The following CAPG variants were observed in gnomAD, a reference collection of about 807,000 sequenced individuals.
The protein encoded by CAPG is capping actin protein, gelsolin like.
Under a neutral mutation model 44.6 loss-of-function variants are expected in CAPG, and 32 were observed. The ratio of observed to expected loss-of-function variants is 0.72; its 90% CI spans 0.54 to 0.96. CAPG has a LOEUF of 0.96. Among genes scored for constraint, CAPG ranks in the 50% least tolerant of loss-of-function variants. CAPG has a pLI of 0.00. For synonymous variants in CAPG, 175 were observed against 179.6 expected, an observed-to-expected ratio of 0.97 and a Z score of 0.20; for missense variants, 412 against 438.3, an observed-to-expected ratio of 0.94 and a Z score of 0.54.
chr2:85,412,024 T>C (rs536986720), upstream of CAPG, among the ~76,000 whole-genome samples: 5 of 150,902 alleles, frequency 3.3e-5, no homozygotes, highest in Non-Finnish European at 5.9e-5. Context: ...ATGGCGCCAC[T>C]GCACTCCAGC....
At chr2:85,399,307 C>A in intron 5 of CAPG, 22 bp from the exon 6 acceptor site, 1 of 1,612,206 alleles carries the variant, frequency 6.2e-7, no homozygotes, top group Non-Finnish European at 8.5e-7. Context: ...CAGGAAAGTC[C>A]GGGTCAGAGC....
intron 6 of CAPG, 110 bp downstream of exon 6, chr2:85,399,026 G>A: frequency 8.0e-7 from 1 of 1,253,696 alleles, no homozygotes; most frequent in Non-Finnish European, 1.1e-6. Flanking sequence ...CAGTACACCA[G>A]ATGGCCCCTG....
In CAPG at chr2:85,399,226, G is replaced by A. The variant is rs1157269348; in HGVS notation, c.576C>T (p.Asp192=). ...SNILERNKAR[D]LALAIRDSER... ...CACTGTCCCGGATGGCCAGGGCCAG[G>A]TCCCTCGCCTTGTTGCGTTCCAGGA... is the stretch of plus-strand genomic sequence containing the variant. Residue 192 remains aspartate, a synonymous_variant, in exon 6 of 10, where the codon GAC becomes GAT. Transcript: ENST00000263867. 3 of 1,614,252 alleles carry A rather than the reference G, an allele frequency of 1.9e-6. No individual in the cohort carries two copies. Among genetic ancestry groups the A allele is most frequent in the Non-Finnish European group, 2.5e-6 (3 of 1,180,036 alleles).
Position 85,399,206 on chromosome 2 carries a change from T to A in CAPG, c.596A>T (p.Asp199Val). 1 of 1,614,200 alleles carries A rather than the reference T, an allele frequency of 6.2e-7. No homozygotes were observed. Among genetic ancestry groups the A allele is most frequent in the Non-Finnish European group, 8.5e-7 (1 of 1,180,016 alleles). Residue 199 changes from aspartate to valine, a missense_variant, in exon 6 of 10, where the codon GAC (aspartate) becomes GTC (valine). Physicochemically the swap from Asp to Val is radical, Grantham distance 152. Coordinates refer to ENST00000263867, the MANE Select transcript of CAPG (RefSeq NM_001747.4). ...KARDLALAIR[D>V]SERQGKAQVE... ...CTGGGCCTTGCCCTGTCGCTCACTG[T>A]CCCGGATGGCCAGGGCCAGGTCCCT... is the stretch of plus-strand genomic sequence containing the variant.
intron 8 of CAPG, chr2:85,396,059 T>C (rs1359150560): frequency 6.0e-6 from 1 of 167,412 alleles, no homozygotes; most frequent in Admixed American, 5.7e-5. Context: ...TTTACTCCCA[T>C]AATGCCAGCA....
In CAPG at chr2:85,398,678, TGG is replaced by T. The variant is rs1558730693; in HGVS notation, c.759+10_759+11del. On this transcript the variant is annotated intron_variant, in intron 7 of 9. Transcript: ENST00000263867. Reference sequence around the variant, plus strand: ...CTGCTGCCGGGTCCCAGGGCAGGCTTGGGGGGCCCACCTTATACAGAGCTGCG... The same window carrying T: ...CTGCTGCCGGGTCCCAGGGCAGGCTTGGGGCCCACCTTATACAGAGCTGCG... 1 of 1,590,752 alleles carries T rather than the reference TGG, an allele frequency of 6.3e-7. No homozygotes were observed. Among genetic ancestry groups the T allele is most frequent in the African/African-American group, 1.3e-5 (1 of 74,766 alleles).
In CAPG at chr2:85,398,112, GCCA is replaced by G; in HGVS notation, c.797_799del (p.Val266del). On this transcript the variant is annotated inframe_deletion, in exon 8 of 10. Transcript: ENST00000263867. Reference sequence around the variant, plus strand: ...TTCAAGGGCAAATGGGCTGGAGTCAGCCACCTTGGTCAGGTTCATCTGTCCAGT... The same window carrying G: ...TTCAAGGGCAAATGGGCTGGAGTCAGCCTTGGTCAGGTTCATCTGTCCAGT... 2 of 1,614,108 alleles carry G rather than the reference GCCA, an allele frequency of 1.2e-6. No homozygotes were observed. Among genetic ancestry groups the G allele is most frequent in the Non-Finnish European group, 1.7e-6 (2 of 1,180,018 alleles).
upstream of CAPG, among the ~76,000 whole-genome samples, chr2:85,410,729 G>A (rs932958490): frequency 6.6e-5 from 10 of 152,212 alleles, no homozygotes; most frequent in African/African-American, 9.6e-5. Context: ...AGCCCCCACC[G>A]CTGCTGGGTT....
intron 1 of CAPG, among the ~76,000 whole-genome samples, chr2:85,403,138 C>A (rs907884634): frequency 6.6e-6 from 1 of 151,956 alleles, no homozygotes; most frequent in Non-Finnish European, 1.5e-5. Flanking sequence ...AGAGAAAACA[C>A]AAATATCAAT....
In CAPG at chr2:85,395,395, T is replaced by G; in HGVS notation, c.981+143A>C. 2 of 656,286 alleles carry G rather than the reference T, an allele frequency of 3.0e-6. No individual in the cohort carries two copies. Among genetic ancestry groups the G allele is most frequent in the Admixed American group, 2.4e-5 (1 of 40,844 alleles). 40.7% of individuals were successfully genotyped at this position (656,286 alleles called of 1,614,324 possible). A position where few individuals can be genotyped will look rare whatever the true frequency, so the allele number is the denominator to read the frequency against. ...ACATTTTGAAGGATTGAGATGGGCT[T>G]TCCCACTGGATGGGTCTAAGAGGGA... On this transcript the variant is annotated intron_variant, in intron 9 of 9. Transcript: ENST00000263867. The surrounding 1 kb of genome is among the most constrained non-coding windows in gnomAD (Gnocchi z 4.3).
upstream of CAPG, among the ~76,000 whole-genome samples, chr2:85,415,051 TA>T (rs1687520617): frequency 6.6e-6 from 1 of 152,110 alleles, no homozygotes; most frequent in East Asian, 1.9e-4. Flanking sequence ...GGGCCTGGGG[TA>T]AGGAAACAAT....
chr2:85,403,636 C>T (rs565859519), intron 1 of CAPG, among the ~76,000 whole-genome samples: 16 of 152,142 alleles, frequency 1.1e-4, no homozygotes, highest in African/African-American at 3.4e-4. Flanking sequence ...CGCCTGTAAT[C>T]CCAGCACTTT....
rs1260393601 is a variant in CAPG, at chr2:85,401,573, A to T, written c.307T>A (p.Ser103Thr). The stretch of plus-strand genomic sequence containing the variant: ...GGGAAGTAGCTCATGAAGAGGTCAG[A>T]CTCATTGCCCTGCACCTCGCGGTGC... ...VQHREVQGNE[S>T]DLFMSYFPRG... The change falls in exon 4 of 10, where the codon TCT becomes ACT. Residue 103 changes from serine to threonine, a missense_variant. Ser to Thr is a moderately conservative substitution (Grantham distance 58, BLOSUM62 1). Coordinates refer to ENST00000263867, the MANE Select transcript of CAPG (RefSeq NM_001747.4). 6.2e-7 allele frequency: 1 copy of T among 1,613,854 alleles called. No homozygotes were observed. Among genetic ancestry groups the T allele is most frequent in the African/African-American group, 1.3e-5 (1 of 74,860 alleles).
intron 1 of CAPG, among the ~76,000 whole-genome samples, chr2:85,406,984 G>A (rs925130913): frequency 2.0e-5 from 3 of 150,152 alleles, no homozygotes; most frequent in African/African-American, 4.9e-5. Flanking sequence ...AGGCTGGAGC[G>A]CAGTGGCACA....
intron 1 of CAPG, among the ~76,000 whole-genome samples, chr2:85,405,763 A>C (rs911330733): frequency 6.6e-6 from 1 of 152,178 alleles, no homozygotes; most frequent in Non-Finnish European, 1.5e-5. Context: ...TTGCGGAGGG[A>C]AACTTTAACG....
chr2:85,402,683 G>A (rs1217477514), intron 1 of CAPG, among the ~76,000 whole-genome samples: 2 of 151,778 alleles, frequency 1.3e-5, no homozygotes, highest in Non-Finnish European at 2.9e-5. Flanking sequence ...CCAGGCTGGT[G>A]TTGAACTCCT....
chr2:85,411,021 C>T (rs1019294451), upstream of CAPG, among the ~76,000 whole-genome samples: 3 of 151,940 alleles, frequency 2.0e-5, no homozygotes, highest in East Asian at 1.9e-4. Context: ...CCAACATGCC[C>T]GACTAATTTT....
Position 85,395,618 on chromosome 2 carries a change from C to T in CAPG, c.901G>A (p.Ala301Thr). 1 of 1,613,404 alleles carries T rather than the reference C, an allele frequency of 6.2e-7. No individual in the cohort carries two copies. Among genetic ancestry groups the T allele is most frequent in the Non-Finnish European group, 8.5e-7 (1 of 1,179,618 alleles). The change falls in exon 9 of 10, where the codon GCG becomes ACG. Residue 301 changes from alanine (A) to threonine (T), a missense_variant. Physicochemically the swap from Ala to Thr is moderately conservative, Grantham distance 58. Transcript: ENST00000263867. The surrounding 1 kb of genome is among the most constrained non-coding windows in gnomAD (Gnocchi z 4.3). ...GCTGCCTGCCGCTCCTTCTCATTCGCTTTTCGCCCTAGATCATAGGAAGGA... is the reference window on the plus strand; with the variant it reads ...GCTGCCTGCCGCTCCTTCTCATTCGTTTTTCGCCCTAGATCATAGGAAGGA... ...GKIYIWKGRK[A>T]NEKERQAALQ...
chr2:85,400,346 G>A (rs1356312781), intron 5 of CAPG, among the ~76,000 whole-genome samples: 1 of 152,138 alleles, frequency 6.6e-6, no homozygotes, highest in South Asian at 2.1e-4. Flanking sequence ...GTAATGGCGA[G>A]GTCTGTTCAC....
Sources: gnomAD v4.1 joint callset for allele counts (sites outside exome capture counted in the v4.1 genomes callset) on GRCh38, gnomAD v4.1.1 for gene constraint, Gnocchi (gnomAD v3.1) non-coding constraint, MANE v1.5 for transcripts, NCBI Gene and HGNC (gene_info 2026-07-23, HGNC 2026-07-21) for gene names.